The following DGKB variants were observed in gnomAD, a reference collection of about 807,000 sequenced individuals.
The protein encoded by DGKB is diacylglycerol kinase beta, also known as 90 kDa diacylglycerol kinase.
Under a neutral mutation model 114.3 loss-of-function variants are expected in DGKB, and 67 were observed. The observed-to-expected ratio is 0.59, with a 90% CI of 0.48 to 0.72. The LOEUF is 0.72. DGKB is among the 30% of genes least tolerant of loss of function. DGKB has a pLI of 0.00. For synonymous variants in DGKB, 398 were observed against 323.1 expected, an observed-to-expected ratio of 1.23 and a Z score of -2.49; for missense variants, 907 against 975.2, an observed-to-expected ratio of 0.93 and a Z score of 0.93.
intron 8 of DGKB, 99 bp downstream of exon 8, chr7:14,697,993 GAAA>G: frequency 3.1e-6 from 2 of 644,184 alleles, no homozygotes; most frequent in Non-Finnish European, 2.7e-6. Flanking sequence ...GAGAGAGAAA[GAAA>G]AAAAGAAAGA....
At chr7:14,523,132 T>C (rs1229049119) in intron 20 of DGKB, among the ~76,000 whole-genome samples, 2 of 152,164 alleles carry the variant, frequency 1.3e-5, no homozygotes, top group Non-Finnish European at 2.9e-5. Flanking sequence ...AAATGGATGT[T>C]AGATATATTT....
intron 2 of DGKB, among the ~76,000 whole-genome samples, chr7:14,779,018 T>A (rs1838669335): frequency 6.6e-6 from 1 of 152,016 alleles, no homozygotes; most frequent in Non-Finnish European, 1.5e-5. Context: ...TAGCTAGGCG[T>A]GGTGGCACAT....
rs75698535 is a variant in DGKB at position 14,804,578 on chromosome 7, T to C, written c.70+36616A>G. The stretch of plus-strand genomic sequence containing the variant: ...TGTGTCCTCTTTCAATTCTAGACAA[T>C]TCATGGAAATAATCTTTCAAATATC... On this transcript the variant is annotated intron_variant, in intron 2 of 25. Transcript: ENST00000402815. Among the ~76,000 whole-genome samples, 376 of 151,862 alleles carry C rather than the reference T, an allele frequency of 2.5e-3. 1 individual carries two copies. The highest frequency in any genetic ancestry group is 8.7e-3 in the African/African-American group (361 of 41,556).
At chr7:14,596,023 C>T (rs1265108257) in intron 17 of DGKB, among the ~76,000 whole-genome samples, 2 of 152,056 alleles carry the variant, frequency 1.3e-5, no homozygotes, top group African/African-American at 4.8e-5. Context: ...TCATGATATA[C>T]ATTAACCATT....
At chr7:14,797,271 G>A (rs1345904153) in intron 2 of DGKB, among the ~76,000 whole-genome samples, 1 of 152,110 alleles carries the variant, frequency 6.6e-6, no homozygotes, top group Admixed American at 6.5e-5. Flanking sequence ...CTCCTTGAAT[G>A]AAAGGTAGTC....
At chr7:14,515,677 C>A (rs1038040731) in intron 20 of DGKB, among the ~76,000 whole-genome samples, 2 of 152,166 alleles carry the variant, frequency 1.3e-5, no homozygotes, top group African/African-American at 4.8e-5. Context: ...ATCTGACAAA[C>A]TCAACCTTCT....
At chr7:14,733,243 A>C (rs1353439517) in intron 5 of DGKB, among the ~76,000 whole-genome samples, 1 of 152,242 alleles carries the variant, frequency 6.6e-6, no homozygotes, top group African/African-American at 2.4e-5. Context: ...TTATTTAAGA[A>C]TCTAAAAATA....
intron 17 of DGKB, among the ~76,000 whole-genome samples, chr7:14,588,429 C>G (rs1801137408): frequency 6.6e-6 from 1 of 152,054 alleles, no homozygotes; most frequent in African/African-American, 2.4e-5. Context: ...AGCTTCCTTA[C>G]TCAGAGCTCA....
chr7:14,388,498 A>G (rs2128701879), intron 21 of DGKB, among the ~76,000 whole-genome samples: 1 of 150,508 alleles, frequency 6.6e-6, no homozygotes, highest in African/African-American at 2.4e-5. Flanking sequence ...AAAAGACAAC[A>G]GTGCTGATTC....
intron 20 of DGKB, among the ~76,000 whole-genome samples, chr7:14,506,428 A>C (rs1013364965): frequency 3.3e-5 from 5 of 152,206 alleles, no homozygotes; most frequent in African/African-American, 1.2e-4. Context: ...ACATTTATTA[A>C]AAAAAGGTAG....
intron 1 of DGKB, among the ~76,000 whole-genome samples, chr7:14,874,478 G>A (rs1032034732): frequency 1.3e-5 from 2 of 151,674 alleles, no homozygotes; most frequent in African/African-American, 4.8e-5. Context: ...CCCAATTTTT[G>A]TATCTACAAA....
chr7:14,697,776 G>GAAAGAAAGAAAGAA (rs781493498), intron 8 of DGKB, among the ~76,000 whole-genome samples: 1 of 100,810 alleles, frequency 9.9e-6, no homozygotes, highest in Non-Finnish European at 2.1e-5. Flanking sequence ...AAGAAACAAA[G>GAAAGAAAGAAAGAA]AGAAAGAAAG....
chr7:14,149,048 T>C lies in DGKB; in HGVS notation c.*83A>G. ...CATGATTTTGCATGAGCAGGAGACT[T>C]GAAATGGTTCAAAGATTTCCAGCAT... On this transcript the variant is annotated 3_prime_UTR_variant, in exon 26 of 26. Coordinates refer to ENST00000402815, the MANE Select transcript of DGKB (RefSeq NM_001350709.2). 1.6e-6 allele frequency: 2 copies of C among 1,236,602 alleles called. No individual in the cohort carries two copies. Among genetic ancestry groups the C allele is most frequent in the Non-Finnish European group, 2.4e-6 (2 of 840,188 alleles). 76.6% of individuals were successfully genotyped at this position (1,236,602 alleles called of 1,614,324 possible).
intron 21 of DGKB, among the ~76,000 whole-genome samples, chr7:14,359,223 T>C (rs890988081): frequency 3.3e-5 from 5 of 152,080 alleles, no homozygotes; most frequent in African/African-American, 1.2e-4. Flanking sequence ...GGTGAAAGGA[T>C]TCCTTATTTA....
intron 1 of DGKB, among the ~76,000 whole-genome samples, chr7:14,886,297 T>C (rs1412640938): frequency 1.3e-5 from 2 of 151,774 alleles, no homozygotes; most frequent in Admixed American, 1.3e-4. Context: ...GAAGAAGTGT[T>C]TGGAAGGATG....
chr7:14,619,014 A>G (rs959922890), intron 15 of DGKB, among the ~76,000 whole-genome samples: 2 of 151,530 alleles, frequency 1.3e-5, no homozygotes, highest in South Asian at 2.1e-4. Context: ...TTCATTTTGC[A>G]TATAATAGCT....
rs567569823 is a variant in DGKB, at chr7:14,762,466, G to A, written c.71-4735C>T. Among the ~76,000 whole-genome samples, 66 of 152,124 alleles carry A rather than the reference G, an allele frequency of 4.3e-4. 1 individual carries two copies. Among genetic ancestry groups the A allele is most frequent in the African/African-American group, 1.6e-3 (65 of 41,516 alleles). Reference sequence around the variant, plus strand: ...TTTTAAAATGTTCAGAATTTTTAACGATTTTCAAGAAAAATTAAAGACCCT... The same window carrying A: ...TTTTAAAATGTTCAGAATTTTTAACAATTTTCAAGAAAAATTAAAGACCCT... On this transcript the variant is annotated intron_variant, in intron 2 of 25. Transcript: ENST00000402815.
At chr7:14,398,424 ACAAT>A (rs1248110834) in intron 21 of DGKB, among the ~76,000 whole-genome samples, 1 of 152,074 alleles carries the variant, frequency 6.6e-6, no homozygotes, top group Non-Finnish European at 1.5e-5. Context: ...TGAGCAACTG[ACAAT>A]CAATGCTTTG....
chr7:14,784,570 G>T (rs911359181), intron 2 of DGKB, among the ~76,000 whole-genome samples: 7 of 151,864 alleles, frequency 4.6e-5, no homozygotes, highest in Non-Finnish European at 7.4e-5. Flanking sequence ...ATGTGGTTTT[G>T]TTTGTTATGT....
Sources: gnomAD v4.1 joint callset for allele counts (sites outside exome capture counted in the v4.1 genomes callset) on GRCh38, gnomAD v4.1.1 for gene constraint, MANE v1.5 for transcripts, NCBI Gene and HGNC (gene_info 2026-07-23, HGNC 2026-07-21) for gene names.